The following ATP2C2 variants were observed in gnomAD, a reference collection of about 807,000 sequenced individuals.
ATP2C2 encodes the protein calcium-transporting ATPase type 2C member 2.
In ATP2C2, 171 loss-of-function variants were observed where a neutral mutation model predicts 110.8. That is an observed-to-expected ratio of 1.54 (90% CI 1.36 to 1.75). ATP2C2 has a LOEUF of 1.75. Ranked by LOEUF, ATP2C2 falls within the 40% of genes most tolerant of loss-of-function variation. The probability of loss-of-function intolerance (pLI) is 0.00; values close to 1 mark genes in which losing one functional copy is unlikely to be tolerated. For synonymous variants in ATP2C2, 804 were observed against 508.4 expected (o/e 1.58, Z -7.82); for missense variants, 1,963 against 1,235.0 (o/e 1.59, Z -8.84).
chr16:84,429,359 G>A (rs1014694633), intron 11 of ATP2C2, among the ~76,000 whole-genome samples: 1 of 151,978 alleles, frequency 6.6e-6, no homozygotes, highest in Non-Finnish European at 1.5e-5. Context: ...CACCATGTTG[G>A]CTAGGCTGGT....
intron 1 of ATP2C2, among the ~76,000 whole-genome samples, chr16:84,394,808 C>G (rs1385744929): frequency 7.9e-5 from 12 of 152,264 alleles, no homozygotes; most frequent in Admixed American, 6.5e-4. Context: ...ATGTTTATCT[C>G]TGCAAAATTC....
intron 1 of ATP2C2, among the ~76,000 whole-genome samples, chr16:84,394,473 G>A (rs952629879): frequency 6.6e-6 from 1 of 151,976 alleles, no homozygotes; most frequent in African/African-American, 2.4e-5. Flanking sequence ...GGCTTCTTCC[G>A]CTTAGTGTGA....
In ATP2C2 at chr16:84,463,621, G is replaced by A. The variant is rs905003469; in HGVS notation, c.2730G>A (p.Leu910=). The change falls in exon 27 of 27, where the codon CTG becomes CTA. Residue 910 remains leucine, a synonymous_variant. Transcript: ENST00000262429. ...TGTTTTCTCCCTTGGCAGATTTGCT[G>A]TTTTTAACTGGATTGGCCTCATCCG... ...QTENLGALDL[L]FLTGLASSVF... 6.8e-6 allele frequency: 11 copies of A among 1,613,782 alleles called. No individual in the cohort carries two copies. Among genetic ancestry groups the A allele is most frequent in the African/African-American group, 5.3e-5 (4 of 74,918 alleles).
At chr16:84,394,997 G>C (rs976751845) in intron 1 of ATP2C2, among the ~76,000 whole-genome samples, 17 of 152,086 alleles carry the variant, frequency 1.1e-4, no homozygotes, top group African/African-American at 3.9e-4. Flanking sequence ...TCCTGTTTGA[G>C]GCTGAGTTGA....
intron 24 of ATP2C2, 56 bp downstream of exon 24, chr16:84,460,857 G>T: frequency 6.5e-7 from 1 of 1,547,484 alleles, no homozygotes; most frequent in Non-Finnish European, 8.7e-7. Context: ...GCAGACGCTG[G>T]GGACTGCAGT....
At position 84,453,255 on chromosome 16, in the gene ATP2C2, G is replaced by A. The variant is rs1444754366; in HGVS notation, c.1929+20G>A. Reference sequence around the variant, plus strand: ...GGGAAGGTGGGTCCCCGGAGGCTTGGCTGGCAGTGGGGCTGGGTCACAGCT... The same window carrying A: ...GGGAAGGTGGGTCCCCGGAGGCTTGACTGGCAGTGGGGCTGGGTCACAGCT... On this transcript the variant is annotated intron_variant, in intron 19 of 26. Coordinates refer to ENST00000262429, the MANE Select transcript of ATP2C2 (RefSeq NM_014861.4). 12 of 1,613,884 alleles carry A rather than the reference G, an allele frequency of 7.4e-6. No individual in the cohort carries two copies. Among genetic ancestry groups the A allele is most frequent in the African/African-American group, 1.3e-5 (1 of 74,892 alleles).
chr16:84,388,097 C>A (rs776420390), intron 1 of ATP2C2, among the ~76,000 whole-genome samples: 1 of 151,932 alleles, frequency 6.6e-6, no homozygotes, highest in Non-Finnish European at 1.5e-5. Flanking sequence ...TTTGGGAGGC[C>A]GAGGTGGGTA....
In ATP2C2 at chr16:84,448,515, C is replaced by A. The variant is rs761452882; in HGVS notation, c.1504-18C>A. 3.8e-6 allele frequency: 6 copies of A among 1,599,282 alleles called. No homozygotes were observed. Among genetic ancestry groups the A allele is most frequent in the Non-Finnish European group, 4.3e-6 (5 of 1,169,834 alleles). On this transcript the variant is annotated intron_variant, in intron 16 of 26. Transcript: ENST00000262429. ...GGCTTCCAGTGATAGTGGATTTCTTCCCTTTGTCTTTTCTAAGGATCAGGA... is the reference window on the plus strand; with the variant it reads ...GGCTTCCAGTGATAGTGGATTTCTTACCTTTGTCTTTTCTAAGGATCAGGA...
chr16:84,387,665 A>T (rs552061381), intron 1 of ATP2C2, among the ~76,000 whole-genome samples: 1 of 152,348 alleles, frequency 6.6e-6, no homozygotes, highest in South Asian at 2.1e-4. Flanking sequence ...GCACCAGTGA[A>T]GCTCACAGCC....
chr16:84,386,439 A>G (rs961310654), intron 1 of ATP2C2, among the ~76,000 whole-genome samples: 2 of 152,172 alleles, frequency 1.3e-5, no homozygotes, highest in African/African-American at 4.8e-5. Context: ...TCCTTACTGC[A>G]CAATTTCCCT....
chr16:84,449,764 A>G (rs1255994082), intron 17 of ATP2C2, among the ~76,000 whole-genome samples: 1 of 152,174 alleles, frequency 6.6e-6, no homozygotes, highest in African/African-American at 2.4e-5. Flanking sequence ...TGCTTTTGTC[A>G]TGGTTGATAC....
chr16:84,424,576 C>CTTTTTTTTTTTTTTTTTTTTT lies in ATP2C2; in HGVS notation c.920-1156_920-1136dup, dbSNP rs371614449. Among the ~76,000 whole-genome samples the CTTTTTTTTTTTTTTTTTTTTT allele has an allele frequency of 7.8e-5, 9 of 114,868 alleles. 1 individual carries two copies. The highest frequency in any genetic ancestry group is 2.0e-4 in the African/African-American group (5 of 24,832). 75.4% of individuals were successfully genotyped at this position (114,868 alleles called of 152,430 possible). A position where few individuals can be genotyped will look rare whatever the true frequency, so the allele number is the denominator to read the frequency against. On this transcript the variant is annotated intron_variant, in intron 10 of 26. Coordinates refer to ENST00000262429, the MANE Select transcript of ATP2C2 (RefSeq NM_014861.4). ...TACAGGCATGAGCCACCGCACTGGG[C>CTTTTTTTTTTTTTTTTTTTTT]TTTTTTTTTTTTTTTTTTTTTTTAA... is the stretch of plus-strand genomic sequence containing the variant.
chr16:84,409,832 A>G (rs1268124228), intron 4 of ATP2C2, among the ~76,000 whole-genome samples: 1 of 151,952 alleles, frequency 6.6e-6, no homozygotes, highest in East Asian at 1.9e-4. Flanking sequence ...GTCATTCCCC[A>G]CTTCTTTCCG....
In ATP2C2 at chr16:84,410,772, C is replaced by T; in HGVS notation, c.515+7C>T. 6.2e-7 allele frequency: 1 copy of T among 1,613,476 alleles called. No homozygotes were observed. The highest frequency in any genetic ancestry group is 8.5e-7 in the Non-Finnish European group (1 of 1,179,442). ...TTCCTCCAGAATGTAACTGGTAAGT[C>T]AGAGCCTCCCTGGGACTTTTTGGTT... On this transcript the variant is annotated splice_region_variant and intron_variant, in intron 6 of 26. Coordinates refer to ENST00000262429, the MANE Select transcript of ATP2C2 (RefSeq NM_014861.4).
intron 10 of ATP2C2, among the ~76,000 whole-genome samples, chr16:84,424,650 A>G (rs531118946): frequency 2.1e-5 from 3 of 144,912 alleles, no homozygotes; most frequent in South Asian, 2.2e-4. Context: ...ACTCAGTCCC[A>G]TGGACCCCCT....
At chr16:84,459,755 G>A (rs1311544760) in intron 23 of ATP2C2, 2 of 624,156 alleles carry the variant, frequency 3.2e-6, no homozygotes, top group African/African-American at 1.8e-5. Flanking sequence ...TTTCCCTAGA[G>A]AGGAAGATAC....
chr16:84,412,100 G>A (rs1032059831), intron 6 of ATP2C2, among the ~76,000 whole-genome samples: 9 of 152,110 alleles, frequency 5.9e-5, no homozygotes, highest in Non-Finnish European at 1.2e-4. Context: ...ACCTGTGCCT[G>A]CCTCCAGGGC....
At chr16:84,404,829 TAA>T in intron 2 of ATP2C2, 1 of 305,714 alleles carries the variant, frequency 3.3e-6, no homozygotes, top group Non-Finnish European at 6.3e-6. Flanking sequence ...TTTTTTTTTT[TAA>T]GAAGAAAAGA....
At chr16:84,374,614 G>A (rs1910147360) in intron 1 of ATP2C2, among the ~76,000 whole-genome samples, 1 of 152,084 alleles carries the variant, frequency 6.6e-6, no homozygotes, top group South Asian at 2.1e-4. Flanking sequence ...GGAACTTCCA[G>A]TGTGTTAAAT....
Sources: gnomAD v4.1 joint callset for allele counts (sites outside exome capture counted in the v4.1 genomes callset) on GRCh38, gnomAD v4.1.1 for gene constraint, MANE v1.5 for transcripts, NCBI Gene and HGNC (gene_info 2026-07-23, HGNC 2026-07-21) for gene names.